The following NRF1 variants were observed in gnomAD, a reference collection of about 807,000 sequenced individuals.
NRF1 encodes the protein nuclear respiratory factor 1.
In NRF1, 5 loss-of-function variants were observed where a neutral mutation model predicts 58.5. The observed-to-expected ratio is 0.09, with a 90% CI of 0.04 to 0.18. NRF1 has a LOEUF of 0.18. Among genes scored for constraint, NRF1 ranks in the 10% least tolerant of loss-of-function variants. The pLI is 1.00. For missense variants in NRF1, 288 were observed against 657.7 expected (o/e 0.44, Z 6.15); for synonymous variants, 224 against 246.7 (o/e 0.91, Z 0.86).
intron 10 of NRF1, among the ~76,000 whole-genome samples, chr7:129,748,274 C>CAA (rs10655886): frequency 0.3 from 23,165 of 77,592 alleles, 4,874 homozygotes; most frequent in Non-Finnish European, 0.38. Context: ...GACTCCGTCT[C>CAA]AAAAAAAAAA....
chr7:129,703,130 G>A (rs1370412915), intron 5 of NRF1, among the ~76,000 whole-genome samples: 1 of 152,054 alleles, frequency 6.6e-6, no homozygotes, highest in Admixed American at 6.5e-5. Context: ...CACTGACACA[G>A]GCATGAATTT....
chr7:129,677,782 C>T, intron 4 of NRF1, 24 bp downstream of exon 4: 1 of 1,610,874 alleles, frequency 6.2e-7, no homozygotes, highest in Non-Finnish European at 8.5e-7. Flanking sequence ...AAGCTGTTCT[C>T]ATTTGCCCTT....
chr7:129,730,677 A>G (rs780701144), intron 10 of NRF1, among the ~76,000 whole-genome samples: 2 of 151,986 alleles, frequency 1.3e-5, no homozygotes, highest in Admixed American at 6.6e-5. Flanking sequence ...TTTTCAAGTT[A>G]GAGATAATGA....
intron 2 of NRF1, among the ~76,000 whole-genome samples, chr7:129,665,094 G>A (rs1801889440): frequency 6.6e-6 from 1 of 152,256 alleles, no homozygotes; most frequent in Non-Finnish European, 1.5e-5. Flanking sequence ...GAGGAAGGTT[G>A]TGACTGACAG....
At chr7:129,722,500 G>C (rs1229062852) in intron 9 of NRF1, among the ~76,000 whole-genome samples, 3 of 152,086 alleles carry the variant, frequency 2.0e-5, no homozygotes, top group Non-Finnish European at 4.4e-5. Flanking sequence ...CTTACCATAG[G>C]CATCATCGTT....
chr7:129,649,193 A>G lies in NRF1; in HGVS notation c.-6-8153A>G, dbSNP rs183356129. On this transcript the variant is annotated intron_variant, in intron 1 of 10. Coordinates refer to ENST00000393232, the MANE Select transcript of NRF1 (RefSeq NM_005011.5). Reference sequence around the variant, plus strand: ...AGTGTCCCCCTGAGGAGCAAACCCTATAGTTGACTTTAGGCTTCTTTAGGC... The same window carrying G: ...AGTGTCCCCCTGAGGAGCAAACCCTGTAGTTGACTTTAGGCTTCTTTAGGC... 4.6e-5 allele frequency among the ~76,000 whole-genome samples: 7 copies of G among 152,124 alleles called. No homozygotes were observed. The South Asian group carries it at 6.2e-4, about 14-fold the overall frequency.
chr7:129,704,567 G>A (rs1802906767), intron 5 of NRF1, among the ~76,000 whole-genome samples: 1 of 152,116 alleles, frequency 6.6e-6, no homozygotes, highest in African/African-American at 2.4e-5. Flanking sequence ...AAATGTTTGG[G>A]ACCAGAAGTA....
At chr7:129,614,443 T>TGTGTGTGTGTGTGTGTGTG (rs71527915) in intron 1 of NRF1, among the ~76,000 whole-genome samples, 1 of 145,746 alleles carries the variant, frequency 6.9e-6, no homozygotes, top group South Asian at 2.2e-4. Flanking sequence ...AAATATGTAT[T>TGTGTGTGTGTGTGTGTGTG]TGTGTGTGTG....
At chr7:129,623,951 C>G (rs1800860362) in intron 1 of NRF1, among the ~76,000 whole-genome samples, 1 of 152,170 alleles carries the variant, frequency 6.6e-6, no homozygotes, top group Non-Finnish European at 1.5e-5. Flanking sequence ...CTTTTTCTCT[C>G]TTAAACTTCT....
At chr7:129,657,029 C>A (rs1282795014) in intron 1 of NRF1, among the ~76,000 whole-genome samples, 2 of 152,204 alleles carry the variant, frequency 1.3e-5, no homozygotes, top group Non-Finnish European at 2.9e-5. Context: ...AGTCACTGAG[C>A]TATCTTAAGT....
At chr7:129,747,356 T>G (rs1009935340) in intron 10 of NRF1, among the ~76,000 whole-genome samples, 3 of 152,206 alleles carry the variant, frequency 2.0e-5, no homozygotes, top group Non-Finnish European at 4.4e-5. Context: ...GGCTGTTATC[T>G]TTAATCTTTA....
chr7:129,681,362 T>C (rs1465528307), intron 4 of NRF1, among the ~76,000 whole-genome samples: 1 of 152,174 alleles, frequency 6.6e-6, no homozygotes, highest in Admixed American at 6.5e-5. Context: ...GTGGGAGCCA[T>C]AGGAAACAAA....
In NRF1 at chr7:129,622,983, A is replaced by G. The variant is rs75020879; in HGVS notation, c.-7+11159A>G. Among the ~76,000 whole-genome samples the G allele has an allele frequency of 4.6e-3, 707 of 152,324 alleles. 25 individuals are homozygous for G. In the East Asian group the frequency reaches 0.06, roughly 13 times the overall value. On this transcript the variant is annotated intron_variant, in intron 1 of 10. Transcript: ENST00000393232. ...GACAGTTACAGATCCATTTGTTTTA[A>G]TGAAATGTAAAAGATATTTTTAAAT...
intron 1 of NRF1, among the ~76,000 whole-genome samples, chr7:129,617,215 A>G (rs574901716): frequency 4.9e-4 from 74 of 152,274 alleles, no homozygotes; most frequent in Non-Finnish European, 9.1e-4. Flanking sequence ...ATATATATTA[A>G]GACAGTTTTT....
intron 1 of NRF1, among the ~76,000 whole-genome samples, chr7:129,650,959 A>G (rs1227933788): frequency 6.6e-6 from 1 of 152,174 alleles, no homozygotes; most frequent in Non-Finnish European, 1.5e-5. Flanking sequence ...GGGTCTGATG[A>G]TGTCCAGCAA....
chr7:129,681,922 C>CA (rs201830378), intron 4 of NRF1, among the ~76,000 whole-genome samples: 7,546 of 117,478 alleles, frequency 0.064, 218 homozygotes, highest in Middle Eastern at 0.15. Flanking sequence ...CTCATCTCTA[C>CA]AAAAAAAAAA....
At chr7:129,721,626 C>T (rs539006510) in intron 9 of NRF1, among the ~76,000 whole-genome samples, 4 of 152,004 alleles carry the variant, frequency 2.6e-5, no homozygotes, top group Admixed American at 6.6e-5. Flanking sequence ...GGACTACAGG[C>T]GCCCACCACC....
At chr7:129,695,674 ATT>A (rs562106567) in intron 5 of NRF1, among the ~76,000 whole-genome samples, 3 of 139,794 alleles carry the variant, frequency 2.1e-5, no homozygotes, top group Admixed American at 7.2e-5. Flanking sequence ...CTTTTGGGAG[ATT>A]TTTTTTTTTT....
intron 10 of NRF1, among the ~76,000 whole-genome samples, chr7:129,734,335 A>G (rs1035961084): frequency 1.3e-5 from 2 of 152,240 alleles, no homozygotes; most frequent in African/African-American, 2.4e-5. Context: ...GTGGCAGACA[A>G]TTCAGGCAAT....
Sources: allele counts gnomAD v4.1 joint callset (sites outside exome capture counted in the v4.1 genomes callset), GRCh38; gene constraint gnomAD v4.1.1; transcripts MANE v1.5; gene names NCBI Gene and HGNC (gene_info 2026-07-23, HGNC 2026-07-21).